Variants in TRHDE observed in about 807,000 individuals in gnomAD.
TRHDE encodes thyrotropin releasing hormone degrading enzyme.
TRHDE carries 72 observed loss-of-function variants against 125.7 expected under a neutral mutation model. The ratio of observed to expected loss-of-function variants is 0.57; its 90% CI spans 0.47 to 0.70. The LOEUF (loss-of-function observed/expected upper bound fraction) is 0.70, where lower values mean the gene tolerates loss of function less well. Among genes scored for constraint, TRHDE ranks in the 30% least tolerant of loss-of-function variants. The probability of loss-of-function intolerance (pLI) is 0.00; values close to 1 mark genes in which losing one functional copy is unlikely to be tolerated. For missense variants in TRHDE, 1,110 were observed against 1,327.1 expected (o/e 0.84, Z 2.54); for synonymous variants, 509 against 509.1 (o/e 1.00, Z 0.00).
intron 6 of TRHDE, among the ~76,000 whole-genome samples, chr12:72,533,128 T>A (rs1026408723): frequency 1.3e-5 from 2 of 152,154 alleles, no homozygotes; most frequent in Non-Finnish European, 2.9e-5. Context: ...TTTCTTATTT[T>A]TAAACCATTA....
At chr12:72,167,517 C>A (rs1461582460) in intron 2 of TRHDE, 1 of 152,064 alleles carries the variant, frequency 6.6e-6, no homozygotes, top group Non-Finnish European at 1.5e-5. Context: ...CTTTTTCTGA[C>A]CAAATAATGA....
chr12:72,135,274 G>A (rs1256526425), intron 2 of TRHDE, among the ~76,000 whole-genome samples: 2 of 152,166 alleles, frequency 1.3e-5, no homozygotes, highest in East Asian at 1.9e-4. Context: ...AATTTGTCAT[G>A]TTGTTTTCAA....
chr12:72,388,059 C>T (rs1191510552), intron 3 of TRHDE, among the ~76,000 whole-genome samples: 1 of 151,582 alleles, frequency 6.6e-6, no homozygotes, highest in Non-Finnish European at 1.5e-5. Flanking sequence ...TCATTTATTT[C>T]CCTCCTACTC....
At chr12:72,346,203 C>T (rs12319066) in intron 2 of TRHDE, among the ~76,000 whole-genome samples, 39,079 of 151,840 alleles carry the variant, frequency 0.26, 5,051 homozygotes, top group East Asian at 0.35. Context: ...AGCAAACTAC[C>T]GTTTGGGCTA....
At chr12:72,372,828 C>T (rs1871673140) in intron 2 of TRHDE, among the ~76,000 whole-genome samples, 1 of 152,148 alleles carries the variant, frequency 6.6e-6, no homozygotes, top group Admixed American at 6.5e-5. Context: ...TAGCGTGATG[C>T]CTCCAGCTTT....
intron 12 of TRHDE, among the ~76,000 whole-genome samples, chr12:72,597,752 T>C (rs1217450871): frequency 0.042 from 397 of 9,444 alleles, 24 homozygotes; most frequent in Non-Finnish European, 0.062. Flanking sequence ...TATATATATA[T>C]ATATATGCAT....
At chr12:72,466,268 G>C (rs1313520828) in intron 3 of TRHDE, among the ~76,000 whole-genome samples, 1 of 152,154 alleles carries the variant, frequency 6.6e-6, no homozygotes, top group African/African-American at 2.4e-5. Context: ...CATATGTATA[G>C]AGTCTTCTTC....
chr12:72,543,134 A>G (rs955600405), intron 7 of TRHDE, among the ~76,000 whole-genome samples: 5 of 151,368 alleles, frequency 3.3e-5, no homozygotes, highest in African/African-American at 9.7e-5. Context: ...AGAGAGAGCA[A>G]TCAATCTTAT....
At chr12:72,238,992 A>G (rs1878420279) in intron 2 of TRHDE, among the ~76,000 whole-genome samples, 1 of 152,112 alleles carries the variant, frequency 6.6e-6, no homozygotes, top group East Asian at 1.9e-4. Flanking sequence ...GGTTGAACTA[A>G]TTTACACTCC....
chr12:72,109,177 C>G lies in TRHDE; in HGVS notation n.279+3425C>G, dbSNP rs112728503. Among the ~76,000 whole-genome samples, 471 of 152,072 alleles carry G rather than the reference C, an allele frequency of 3.1e-3. 3 individuals are homozygous for G. The highest frequency in any genetic ancestry group is 0.011 in the African/African-American group (451 of 41,504). On this transcript the variant is annotated intron_variant and non_coding_transcript_variant, in intron 2 of 4. Coordinates refer to the TRHDE transcript ENST00000548156. ...GGTGTGATGAAGACTGGGTTCCTGCCCTCACAGAGATGCTGCAGTAGAGTA... is the reference window on the plus strand; with the variant it reads ...GGTGTGATGAAGACTGGGTTCCTGCGCTCACAGAGATGCTGCAGTAGAGTA...
intron 15 of TRHDE, among the ~76,000 whole-genome samples, chr12:72,645,113 C>A (rs1001789874): frequency 6.6e-6 from 1 of 152,018 alleles, no homozygotes; most frequent in Non-Finnish European, 1.5e-5. Flanking sequence ...GGAAAGATGT[C>A]CCAAACAAAG....
intron 7 of TRHDE, among the ~76,000 whole-genome samples, chr12:72,559,587 C>G (rs1294215055): frequency 6.6e-6 from 1 of 152,096 alleles, no homozygotes; most frequent in Non-Finnish European, 1.5e-5. Flanking sequence ...TACAATAACT[C>G]TATTATTTCT....
rs1412500714 is a variant in TRHDE, at chr12:72,594,505, T to TTG, written c.2321+18964_2321+18965insGT. ...AGCTCTGGGATTACAGATGTGAGTT[T>TTG]TTTTTTTTTTTTTAATATTACTAGG... On this transcript the variant is annotated intron_variant, in intron 12 of 18. Transcript: ENST00000261180. Among the ~76,000 whole-genome samples the TTG allele has an allele frequency of 4.3e-3, 646 of 150,162 alleles. 2 individuals are homozygous for TTG. The highest frequency in any genetic ancestry group is 0.015 in the African/African-American group (593 of 40,444).
intron 2 of TRHDE, among the ~76,000 whole-genome samples, chr12:72,307,313 C>T (rs1055926787): frequency 1.3e-5 from 2 of 149,898 alleles, no homozygotes; most frequent in African/African-American, 4.9e-5. Flanking sequence ...TACAGGCATG[C>T]GCCACCATAC....
chr12:72,193,421 A>C (rs1001935386), intron 2 of TRHDE, among the ~76,000 whole-genome samples: 2 of 152,170 alleles, frequency 1.3e-5, no homozygotes, highest in Non-Finnish European at 1.5e-5. Context: ...ATTCAGTAGC[A>C]CATTTCACAA....
intron 3 of TRHDE, among the ~76,000 whole-genome samples, chr12:72,466,784 A>G (rs1876396142): frequency 6.6e-6 from 1 of 152,140 alleles, no homozygotes; most frequent in African/African-American, 2.4e-5. Flanking sequence ...AAATGTGACT[A>G]CCTTAGAGAG....
upstream of TRHDE, chr12:72,272,339 C>A (rs183722076): frequency 2.5e-3 from 885 of 361,142 alleles, 7 homozygotes; most frequent in African/African-American, 0.017. This position sits in a 1 kb window ranked among gnomAD's most constrained non-coding sequence, Gnocchi z 6.7. Context: ...GGGGCGGGGG[C>A]AGCATGTGCC....
At chr12:72,351,472 A>G (rs1357553293) in intron 2 of TRHDE, among the ~76,000 whole-genome samples, 1 of 151,986 alleles carries the variant, frequency 6.6e-6, no homozygotes, top group Non-Finnish European at 1.5e-5. Flanking sequence ...GGCAGCCATA[A>G]TAGAGAAAGC....
At chr12:72,474,099 G>T (rs754519316) in intron 5 of TRHDE, among the ~76,000 whole-genome samples, 1 of 151,672 alleles carries the variant, frequency 6.6e-6, no homozygotes, top group South Asian at 2.1e-4. Context: ...TTGTTTTAAA[G>T]CACTTTATTG....
Sources: allele counts gnomAD v4.1 joint callset (sites outside exome capture counted in the v4.1 genomes callset), GRCh38; gene constraint gnomAD v4.1.1; non-coding constraint Gnocchi (gnomAD v3.1); transcripts MANE v1.5; gene names NCBI Gene and HGNC (gene_info 2026-07-23, HGNC 2026-07-21).